Variants in C3orf52 observed in about 807,000 individuals in gnomAD.
C3orf52 encodes the protein chromosome 3 open reading frame 52.
C3orf52 carries 22 observed loss-of-function variants against 24.8 expected under a neutral mutation model. The ratio of observed to expected loss-of-function variants is 0.89; its 90% CI spans 0.63 to 1.27. The LOEUF is 1.27. Ranked by LOEUF, C3orf52 falls within the 50% of genes most tolerant of loss-of-function variation. The probability of loss-of-function intolerance (pLI) is 0.00; values close to 1 mark genes in which losing one functional copy is unlikely to be tolerated. For synonymous variants in C3orf52, 93 were observed against 100.2 expected, an observed-to-expected ratio of 0.93 and a Z score of 0.43; for missense variants, 265 against 260.7, an observed-to-expected ratio of 1.02 and a Z score of -0.11.
intron 3 of C3orf52, among the ~76,000 whole-genome samples, chr3:112,105,962 C>T (rs531670819): frequency 6.6e-6 from 1 of 152,228 alleles, no homozygotes; most frequent in African/African-American, 2.4e-5. Flanking sequence ...GCTCACAGAG[C>T]TCAGGGAAGC....
chr3:112,124,038 T>C (rs1423203171), intron 4 of C3orf52, among the ~76,000 whole-genome samples: 1 of 152,208 alleles, frequency 6.6e-6, no homozygotes, highest in Non-Finnish European at 1.5e-5. Context: ...GTTTGGATAT[T>C]CGTCCCCTGC....
At chr3:112,108,757 AAC>A (rs1333556570) in intron 3 of C3orf52, among the ~76,000 whole-genome samples, 4 of 152,256 alleles carry the variant, frequency 2.6e-5, no homozygotes, top group African/African-American at 4.8e-5. Flanking sequence ...TTTGAATAAA[AAC>A]ACAAATTATA....
chr3:112,125,126 A>G (rs934085561), intron 4 of C3orf52: 7 of 784,098 alleles, frequency 8.9e-6, no homozygotes, highest in African/African-American at 6.9e-5. Context: ...TTCTCCATGT[A>G]AGGGTCAGAA....
At chr3:112,099,834 T>C (rs1321867334) in intron 2 of C3orf52, among the ~76,000 whole-genome samples, 1 of 152,240 alleles carries the variant, frequency 6.6e-6, no homozygotes, top group African/African-American at 2.4e-5. Context: ...TGATAGCAAC[T>C]TTCCCACTTA....
intron 3 of C3orf52, among the ~76,000 whole-genome samples, chr3:112,103,948 T>A (rs1030479069): frequency 1.3e-4 from 20 of 152,132 alleles, no homozygotes; most frequent in African/African-American, 4.8e-4. Flanking sequence ...ACAGTTAGAT[T>A]TTTCCTTTTA....
chr3:112,093,512 A>G (rs1685421211), intron 2 of C3orf52, 23 bp downstream of exon 2: 1 of 1,601,282 alleles, frequency 6.2e-7, no homozygotes, highest in Non-Finnish European at 8.5e-7. Flanking sequence ...AGATGTGAAT[A>G]AATAACACAT....
intron 1 of C3orf52, 76 bp from the exon 2 acceptor site, chr3:112,093,284 T>G: frequency 6.6e-7 from 1 of 1,513,300 alleles, no homozygotes; most frequent in Non-Finnish European, 9.0e-7. Flanking sequence ...TTTCTGTGTC[T>G]CTGGCACATC....
chr3:112,119,152 G>A (rs1041866716), downstream of C3orf52, among the ~76,000 whole-genome samples: 1 of 152,166 alleles, frequency 6.6e-6, no homozygotes, highest in Non-Finnish European at 1.5e-5. Flanking sequence ...GGAGGCCGAG[G>A]CAGGCAGATC....
chr3:112,119,449 C>T, downstream of C3orf52: 1 of 702,862 alleles, frequency 1.4e-6, no homozygotes, highest in Non-Finnish European at 2.6e-6. Flanking sequence ...TCAGTATAAT[C>T]AGAGGACGTT....
intron 1 of C3orf52, 60 bp downstream of exon 1, chr3:112,086,605 G>A: frequency 3.3e-6 from 5 of 1,508,288 alleles, no homozygotes; most frequent in Non-Finnish European, 4.5e-6. Flanking sequence ...TAGGACCCGG[G>A]CCTGGCACCC....
At chr3:112,125,362 G>A in intron 4 of C3orf52, 1 of 767,148 alleles carries the variant, frequency 1.3e-6, no homozygotes, top group Non-Finnish European at 2.3e-6. Context: ...AACAGCTGGG[G>A]TAGCTCTTCT....
At chr3:112,096,159 G>A (rs1239528761) in intron 2 of C3orf52, among the ~76,000 whole-genome samples, 1 of 152,114 alleles carries the variant, frequency 6.6e-6, no homozygotes, top group African/African-American at 2.4e-5. Flanking sequence ...GCTTGGAGGC[G>A]GAAGTGTTAA....
At chr3:112,135,978 G>T (rs1024462053), downstream of C3orf52, among the ~76,000 whole-genome samples, 1 of 152,038 alleles carries the variant, frequency 6.6e-6, no homozygotes, top group African/African-American at 2.4e-5. Flanking sequence ...TGTAGCTTTC[G>T]TTTATCTCAG....
At chr3:112,105,626 A>G (rs890248285) in intron 3 of C3orf52, among the ~76,000 whole-genome samples, 5 of 150,992 alleles carry the variant, frequency 3.3e-5, no homozygotes, top group South Asian at 2.1e-4. Context: ...ATCCAGTTCA[A>G]TTCTGACATG....
Position 112,109,545 on chromosome 3 carries a change from C to T in C3orf52, c.399C>T (p.Leu133=), listed in dbSNP as rs1464145752. ...TTAATTTGCTTCTGTTTGTTTAGCT[C>T]ACAGATGTGTACAGTACATCGCCCT... is the stretch of plus-strand genomic sequence containing the variant. ...EELPHLLTER[L]TDVYSTSPSL... The change falls in exon 4 of 6, where the codon CTC becomes CTT. Residue 133 remains leucine (L), a splice_region_variant and synonymous_variant. Transcript: ENST00000264848. 2 of 1,590,344 alleles carry T rather than the reference C, an allele frequency of 1.3e-6. No homozygotes were observed. Among genetic ancestry groups the T allele is most frequent in the Non-Finnish European group, 1.7e-6 (2 of 1,160,692 alleles).
downstream of C3orf52, chr3:112,134,041 AGAG>A (rs1233564377): frequency 2.6e-5 from 4 of 152,476 alleles, no homozygotes; most frequent in East Asian, 1.9e-4. Flanking sequence ...CTGAACATCA[AGAG>A]GAGAAGAAGC....
At chr3:112,094,546 A>G (rs1249621008) in intron 2 of C3orf52, among the ~76,000 whole-genome samples, 1 of 152,072 alleles carries the variant, frequency 6.6e-6, no homozygotes, top group Non-Finnish European at 1.5e-5. Flanking sequence ...TTGAGATTAG[A>G]TTTCTTTATA....
intron 4 of C3orf52, among the ~76,000 whole-genome samples, chr3:112,124,527 G>C (rs1445557999): frequency 6.6e-6 from 1 of 152,132 alleles, no homozygotes; most frequent in Non-Finnish European, 1.5e-5. Flanking sequence ...AGAATCGCTT[G>C]AACCCAGGAG....
At chr3:112,134,759 T>A (rs1254189508), downstream of C3orf52, 1 of 153,812 alleles carries the variant, frequency 6.5e-6, no homozygotes, top group African/African-American at 2.4e-5. Flanking sequence ...AATTGCTAAA[T>A]AAGCTCTGTG....
Sources: allele counts gnomAD v4.1 joint callset (sites outside exome capture counted in the v4.1 genomes callset), GRCh38; gene constraint gnomAD v4.1.1; transcripts MANE v1.5; gene names NCBI Gene and HGNC (gene_info 2026-07-23, HGNC 2026-07-21).